SNTB1: variants seen among roughly 807,000 people sequenced by gnomAD.
SNTB1 encodes the protein syntrophin beta 1, also known as beta-1-syntrophin.
In SNTB1, 36 loss-of-function variants were observed where a neutral mutation model predicts 48.9. That is an observed-to-expected ratio of 0.74 (90% CI 0.56 to 0.97). SNTB1 has a LOEUF of 0.97. Ranked by LOEUF, SNTB1 falls within the 50% of genes least tolerant of loss-of-function variation. The pLI is 0.00. For missense variants in SNTB1, 786 were observed against 703.4 expected, an observed-to-expected ratio of 1.12 and a Z score of -1.33; for synonymous variants, 299 against 294.6, an observed-to-expected ratio of 1.01 and a Z score of -0.15.
intron 2 of SNTB1, among the ~76,000 whole-genome samples, chr8:120,643,247 C>A (rs928516593): frequency 4.6e-5 from 7 of 152,202 alleles, no homozygotes; most frequent in African/African-American, 1.4e-4. Context: ...CAAAGGCACA[C>A]ACCATGTTTG....
At chr8:120,707,603 A>C (rs1818399386) in intron 1 of SNTB1, among the ~76,000 whole-genome samples, 2 of 152,210 alleles carry the variant, frequency 1.3e-5, no homozygotes, top group African/African-American at 4.8e-5. Flanking sequence ...GATGGTGAGC[A>C]TCAGTGAATG....
intron 1 of SNTB1, among the ~76,000 whole-genome samples, chr8:120,775,946 A>G (rs1459837233): frequency 6.6e-6 from 1 of 152,164 alleles, no homozygotes; most frequent in Non-Finnish European, 1.5e-5. Flanking sequence ...CAGGTTTGCT[A>G]CATAAAAATG....
intron 1 of SNTB1, among the ~76,000 whole-genome samples, chr8:120,777,792 A>T (rs1296497289): frequency 6.6e-6 from 1 of 152,224 alleles, no homozygotes; most frequent in African/African-American, 2.4e-5. Flanking sequence ...AGGTAATAGG[A>T]TGCCTGTTAA....
chr8:120,773,115 A>C (rs558795524), intron 1 of SNTB1, among the ~76,000 whole-genome samples: 2 of 152,248 alleles, frequency 1.3e-5, no homozygotes, highest in Admixed American at 6.5e-5. Flanking sequence ...TAATAATTTT[A>C]AAAAATCAGC....
chr8:120,724,370 C>T (rs184898159), intron 1 of SNTB1, among the ~76,000 whole-genome samples: 151 of 152,316 alleles, frequency 9.9e-4, no homozygotes, highest in African/African-American at 3.4e-3. Flanking sequence ...TGTCACCTGC[C>T]AGGTAAGGGG....
chr8:120,737,681 C>T (rs1818971516), intron 1 of SNTB1, among the ~76,000 whole-genome samples: 1 of 152,158 alleles, frequency 6.6e-6, no homozygotes, highest in African/African-American at 2.4e-5. Context: ...CAAGGTATGT[C>T]TTGGTGAAGT....
At position 120,811,651 on chromosome 8, in the gene SNTB1, T is replaced by C; in HGVS notation, c.193A>G (p.Asn65Asp). 1 of 1,594,132 alleles carries C rather than the reference T, an allele frequency of 6.3e-7. No individual in the cohort carries two copies. Among genetic ancestry groups the C allele is most frequent in the Non-Finnish European group, 8.5e-7 (1 of 1,173,746 alleles). Residue 65 changes from asparagine (N) to aspartate (D), a missense_variant, in exon 1 of 7, where the codon AAT becomes GAT. By Grantham distance (23) the Asn-to-Asp change is conservative (BLOSUM62 1). Transcript: ENST00000517992. ...AAYNGIGTATNGSFCRGAGAG... is the reference protein window; with the variant it reads ...AAYNGIGTATDGSFCRGAGAG... ...CCGGCGCCCCTGCAGAACGAGCCAT[T>C]GGTGGCGGTCCCGATGCCGTTGTAC... is the stretch of plus-strand genomic sequence containing the variant.
chr8:120,643,588 G>T (rs1352898493), intron 2 of SNTB1, among the ~76,000 whole-genome samples: 2 of 152,188 alleles, frequency 1.3e-5, no homozygotes, highest in Non-Finnish European at 2.9e-5. Flanking sequence ...TGCTGCAAAT[G>T]CCATTATTTT....
At chr8:120,564,964 T>C (rs564560886) in intron 4 of SNTB1, among the ~76,000 whole-genome samples, 1 of 152,312 alleles carries the variant, frequency 6.6e-6, no homozygotes, top group South Asian at 2.1e-4. Flanking sequence ...AAAACTGCAG[T>C]GTGCACCCAG....
At chr8:120,735,982 G>C in intron 1 of SNTB1, among the ~76,000 whole-genome samples, 1 of 152,244 alleles carries the variant, frequency 6.6e-6, no homozygotes, top group Admixed American at 6.5e-5. Context: ...CCGAGACTGG[G>C]TAATTTCTAA....
At chr8:120,566,740 G>C (rs538439856) in intron 4 of SNTB1, among the ~76,000 whole-genome samples, 8 of 152,232 alleles carry the variant, frequency 5.3e-5, no homozygotes, top group African/African-American at 1.9e-4. Context: ...AGTTGGTCTG[G>C]GGTGGAGTTG....
chr8:120,542,005 G>GAGAGAAAGAGAGAGAAAA lies in SNTB1; in HGVS notation c.1334-23_1334-6dup. The GAGAGAAAGAGAGAGAAAA allele has an allele frequency of 6.2e-7, 1 of 1,609,882 alleles. No homozygotes were observed. Among genetic ancestry groups the GAGAGAAAGAGAGAGAAAA allele is most frequent in the Non-Finnish European group, 8.5e-7 (1 of 1,178,008 alleles). ...CCTGGTTTTTGTAGGTGCAAGCTGA[G>GAGAGAAAGAGAGAGAAAA]AGAGAAAGAGAGAGAAAAAGAGACA... On this transcript the variant is annotated splice_polypyrimidine_tract_variant and splice_region_variant and intron_variant, in intron 5 of 6. Coordinates refer to ENST00000517992, the MANE Select transcript of SNTB1 (RefSeq NM_021021.4).
chr8:120,573,747 T>A (rs945727097), intron 4 of SNTB1, among the ~76,000 whole-genome samples: 1 of 152,214 alleles, frequency 6.6e-6, no homozygotes, highest in African/African-American at 2.4e-5. Context: ...GTTTTGCATA[T>A]GAATATCCAG....
At chr8:120,598,031 G>A (rs1196343327) in intron 3 of SNTB1, among the ~76,000 whole-genome samples, 4 of 152,096 alleles carry the variant, frequency 2.6e-5, no homozygotes, top group African/African-American at 4.8e-5. Context: ...ACTTTTTTCT[G>A]TTTGGGGATG....
At chr8:120,638,443 A>G (rs1817119970) in intron 2 of SNTB1, among the ~76,000 whole-genome samples, 1 of 151,706 alleles carries the variant, frequency 6.6e-6, no homozygotes, top group Non-Finnish European at 1.5e-5. Context: ...TCTAGGGTAC[A>G]TGTGCACAAC....
At chr8:120,618,564 GGTGCTGAATA>G (rs1212051909) in intron 3 of SNTB1, among the ~76,000 whole-genome samples, 4 of 152,140 alleles carry the variant, frequency 2.6e-5, no homozygotes, top group African/African-American at 9.7e-5. Flanking sequence ...ATGAATTATA[GGTGCTGAATA>G]GTGTTTATCA....
intron 2 of SNTB1, among the ~76,000 whole-genome samples, chr8:120,693,472 C>G (rs1296934819): frequency 6.6e-6 from 1 of 152,210 alleles, no homozygotes; most frequent in Non-Finnish European, 1.5e-5. Context: ...TTCTTTAACT[C>G]TTTCCAGAAC....
chr8:120,680,854 T>G (rs1466173017), intron 2 of SNTB1, among the ~76,000 whole-genome samples: 3 of 152,120 alleles, frequency 2.0e-5, no homozygotes, highest in Non-Finnish European at 2.9e-5. Flanking sequence ...CCTCTCAGAG[T>G]GCACTTTGGA....
chr8:120,800,648 C>T (rs1362429472), intron 1 of SNTB1, among the ~76,000 whole-genome samples: 2 of 152,000 alleles, frequency 1.3e-5, no homozygotes, highest in Middle Eastern at 3.2e-3. Context: ...GTTTGATATG[C>T]ATCAGCATTG....
Sources: gnomAD v4.1 joint callset for allele counts (sites outside exome capture counted in the v4.1 genomes callset) on GRCh38, gnomAD v4.1.1 for gene constraint, MANE v1.5 for transcripts, NCBI Gene and HGNC (gene_info 2026-07-23, HGNC 2026-07-21) for gene names.